Variants in MAP3K13 observed in about 807,000 individuals in gnomAD.
The protein encoded by MAP3K13 is mitogen-activated protein kinase kinase kinase 13, also known as leucine zipper-bearing kinase.
A neutral mutation model predicts 104.0 loss-of-function variants in MAP3K13; 52 were observed. That is an observed-to-expected ratio of 0.50 (90% CI 0.40 to 0.63). The LOEUF (loss-of-function observed/expected upper bound fraction) is 0.63, where lower values mean the gene tolerates loss of function less well. Among genes scored for constraint, MAP3K13 ranks in the 20% least tolerant of loss-of-function variants. MAP3K13 has a pLI of 0.00. For missense variants in MAP3K13, 914 were observed against 1,218.5 expected, an observed-to-expected ratio of 0.75 and a Z score of 3.72; for synonymous variants, 394 against 442.2, an observed-to-expected ratio of 0.89 and a Z score of 1.37.
chr3:185,472,198 C>CCTT, intron 10 of MAP3K13, among the ~76,000 whole-genome samples: 2 of 150,656 alleles, frequency 1.3e-5, no homozygotes, highest in African/African-American at 4.9e-5. Flanking sequence ...TCATCTCATC[C>CCTT]CTTCTTCTTT....
chr3:185,466,339 G>A (rs1007156237), intron 9 of MAP3K13, among the ~76,000 whole-genome samples: 11 of 149,628 alleles, frequency 7.4e-5, no homozygotes, highest in African/African-American at 2.7e-4. Flanking sequence ...AGAGCAGAAT[G>A]AAGTCAGGTT....
In MAP3K13 at chr3:185,436,025, C is replaced by T. The variant is rs1175181669; in HGVS notation, c.476-1422C>T. On this transcript the variant is annotated intron_variant, in intron 2 of 13. Transcript: ENST00000265026. Reference sequence around the variant, plus strand: ...TTTTCTCACTCCGTGGGGCTCTTAGCTCTTTGATATTTGTTTCTTACCTGT... The same window carrying T: ...TTTTCTCACTCCGTGGGGCTCTTAGTTCTTTGATATTTGTTTCTTACCTGT... 2.6e-5 allele frequency among the ~76,000 whole-genome samples: 4 copies of T among 152,108 alleles called. No homozygotes were observed. The East Asian group carries it at 7.7e-4, about 29-fold the overall frequency.
intron 1 of MAP3K13, among the ~76,000 whole-genome samples, chr3:185,410,438 G>T (rs1304948155): frequency 6.6e-6 from 1 of 152,098 alleles, no homozygotes; most frequent in Non-Finnish European, 1.5e-5. Context: ...CCACAGCACT[G>T]TAGGATGACT....
chr3:185,453,373 T>C (rs543587834), intron 7 of MAP3K13, among the ~76,000 whole-genome samples: 3 of 152,240 alleles, frequency 2.0e-5, no homozygotes, highest in South Asian at 4.1e-4. Context: ...GACATTTTAC[T>C]AGCAATTGGC....
Position 185,315,830 on chromosome 3 carries a change from TTATTA to T in MAP3K13, c.-86+30193_-86+30197del, listed in dbSNP as rs1721651923. Among the ~76,000 whole-genome samples, 1 of 152,186 alleles carries T rather than the reference TTATTA, an allele frequency of 6.6e-6. No homozygotes were observed. The highest frequency in any genetic ancestry group is 1.5e-5 in the Non-Finnish European group (1 of 68,024). On this transcript the variant is annotated intron_variant, in intron 2 of 14. Transcript: ENST00000424227. The surrounding 1 kb of genome is among the most constrained non-coding windows in gnomAD (Gnocchi z 4.3). ...AACAGTGGATTAATATATATTGCTA[TTATTA>T]TATTAATATTTTTGGTTAAGATACA...
At chr3:185,301,236 C>CT (rs1721092592) in intron 2 of MAP3K13, among the ~76,000 whole-genome samples, 1 of 151,694 alleles carries the variant, frequency 6.6e-6, no homozygotes, top group Non-Finnish European at 1.5e-5. Context: ...TGTTGAGGAT[C>CT]TTTTCATATG....
At chr3:185,291,174 C>T (rs1185585448) in intron 2 of MAP3K13, among the ~76,000 whole-genome samples, 3 of 152,152 alleles carry the variant, frequency 2.0e-5, no homozygotes, top group Non-Finnish European at 2.9e-5. Flanking sequence ...CAGTTTATTT[C>T]CCTACCCCAC....
chr3:185,438,058 C>T (rs1715138903), intron 3 of MAP3K13, among the ~76,000 whole-genome samples: 1 of 152,042 alleles, frequency 6.6e-6, no homozygotes, highest in Non-Finnish European at 1.5e-5. Context: ...TTTGGGAGGC[C>T]AAGGCAGGCA....
chr3:185,402,693 G>A (rs958707248), intron 1 of MAP3K13, among the ~76,000 whole-genome samples: 1 of 152,156 alleles, frequency 6.6e-6, no homozygotes, highest in Non-Finnish European at 1.5e-5. Flanking sequence ...CCTGGGCGCT[G>A]TGTTGTTTGG....
At chr3:185,291,697 G>C in intron 2 of MAP3K13, 3 of 1,526,276 alleles carry the variant, frequency 2.0e-6, no homozygotes, top group Non-Finnish European at 2.6e-6. Flanking sequence ...TCAAGACTTA[G>C]ATCTTCTTCA....
At chr3:185,354,608 T>TG (rs67380961) in intron 2 of MAP3K13, among the ~76,000 whole-genome samples, 11,727 of 145,804 alleles carry the variant, frequency 0.08, 882 homozygotes, top group African/African-American at 0.2. Context: ...GTTATAAGTA[T>TG]GGGGGGGGGG....
chr3:185,297,113 A>G (rs574288233), intron 2 of MAP3K13, among the ~76,000 whole-genome samples: 2 of 152,314 alleles, frequency 1.3e-5, no homozygotes, highest in East Asian at 1.9e-4. Context: ...CTATTTAACT[A>G]TAAGACATTG....
At position 185,455,063 on chromosome 3, in the gene MAP3K13, TATATATGAGATATATGTGA is replaced by T. The variant is rs1266115599; in HGVS notation, c.1278+3669_1278+3687del. 2.5e-4 allele frequency among the ~76,000 whole-genome samples: 30 copies of T among 118,126 alleles called. 1 individual carries two copies. Among genetic ancestry groups the T allele is most frequent in the Admixed American group, 5.4e-4 (5 of 9,218 alleles). The allele number at this position is 118,126 out of a possible 152,430, so 77.5% of individuals were successfully genotyped here. ...ATATATATATGAGATATATGTGAGATATATATGAGATATATGTGAGATATATATATGAGATATATGTGAG... is the reference window on the plus strand; with the variant it reads ...ATATATATATGAGATATATGTGAGATGATATATATATGAGATATATGTGAG... On this transcript the variant is annotated intron_variant, in intron 7 of 13. Transcript: ENST00000265026.
At chr3:185,391,056 T>C (rs1712022907) in intron 1 of MAP3K13, among the ~76,000 whole-genome samples, 1 of 152,214 alleles carries the variant, frequency 6.6e-6, no homozygotes, top group Non-Finnish European at 1.5e-5. Context: ...TTTTTTGTTA[T>C]GATAAAATAC....
intron 1 of MAP3K13, among the ~76,000 whole-genome samples, chr3:185,409,066 C>T (rs529750425): frequency 6.6e-6 from 1 of 152,298 alleles, no homozygotes. Flanking sequence ...GTGTGTCCTG[C>T]CTTAGAATTG....
chr3:185,452,851 T>C (rs1560114789), intron 7 of MAP3K13, among the ~76,000 whole-genome samples: 1 of 152,186 alleles, frequency 6.6e-6, no homozygotes, highest in Non-Finnish European at 1.5e-5. Flanking sequence ...CAAGTCCCAA[T>C]GCACAAGTGA....
At position 185,451,373 on chromosome 3, in the gene MAP3K13, A is replaced by G. The variant is rs1244541485; in HGVS notation, c.1256A>G (p.Gln419Arg). ...IASADVLATP[Q>R]ETYFKSQAEW... ...TCTGCAGATGTACTTGCCACCCCAC[A>G]AGAAACTTACTTCAAGTCTCAGGTA... Residue 419 changes from glutamine (Q) to arginine (R), a missense_variant, in exon 7 of 14, where the codon CAA (glutamine) becomes CGA (arginine). Coordinates refer to ENST00000265026, the MANE Select transcript of MAP3K13 (RefSeq NM_004721.5). 6.2e-7 allele frequency: 1 copy of G among 1,613,206 alleles called. No homozygotes were observed. The highest frequency in any genetic ancestry group is 1.3e-5 in the African/African-American group (1 of 74,912).
chr3:185,368,919 A>AC (rs1724023323), intron 1 of MAP3K13, among the ~76,000 whole-genome samples: 1 of 150,198 alleles, frequency 6.7e-6, no homozygotes, highest in Non-Finnish European at 1.5e-5. Flanking sequence ...AGATTGCACC[A>AC]CTGCACTCCA....
At chr3:185,451,819 A>G (rs1259222574) in intron 7 of MAP3K13, among the ~76,000 whole-genome samples, 1 of 151,242 alleles carries the variant, frequency 6.6e-6, no homozygotes, top group Non-Finnish European at 1.5e-5. Context: ...TTCAGCCGAG[A>G]TCATGCCATT....
Sources: gnomAD v4.1 joint callset for allele counts (sites outside exome capture counted in the v4.1 genomes callset) on GRCh38, gnomAD v4.1.1 for gene constraint, Gnocchi (gnomAD v3.1) non-coding constraint, MANE v1.5 for transcripts, NCBI Gene and HGNC (gene_info 2026-07-23, HGNC 2026-07-21) for gene names.